ICA1: variants seen among roughly 807,000 people sequenced by gnomAD.
ICA1 encodes the protein 69 kDa islet cell autoantigen.
Under a neutral mutation model 71.0 loss-of-function variants are expected in ICA1, and 40 were observed. That is an observed-to-expected ratio of 0.56 (90% CI 0.44 to 0.73). ICA1 has a LOEUF of 0.73. ICA1 is among the 30% of genes least tolerant of loss of function. ICA1 has a pLI of 0.00. For missense variants in ICA1, 578 were observed against 576.5 expected, an observed-to-expected ratio of 1.00 and a Z score of -0.03; for synonymous variants, 207 against 209.5, an observed-to-expected ratio of 0.99 and a Z score of 0.10.
At chr7:8,215,912 G>A (rs1795262666) in intron 6 of ICA1, among the ~76,000 whole-genome samples, 1 of 152,104 alleles carries the variant, frequency 6.6e-6, no homozygotes, top group South Asian at 2.1e-4. Context: ...CACATCCCTG[G>A]GAGAGAAATG....
intron 12 of ICA1, among the ~76,000 whole-genome samples, chr7:8,134,041 T>C (rs1792445345): frequency 6.6e-6 from 1 of 152,138 alleles, no homozygotes; most frequent in African/African-American, 2.4e-5. Flanking sequence ...TGCTTTTACT[T>C]CAGAACCTAT....
chr7:8,130,099 T>C lies in ICA1; in HGVS notation c.1061-1957A>G, dbSNP rs1403539379. Among the ~76,000 whole-genome samples the C allele has an allele frequency of 6.6e-6, 1 of 152,184 alleles. No homozygotes were observed. Among genetic ancestry groups the C allele is most frequent in the Non-Finnish European group, 1.5e-5 (1 of 68,036 alleles). On this transcript the variant is annotated intron_variant, in intron 12 of 13. Transcript: ENST00000402384. This position sits in a 1 kb window ranked among gnomAD's most constrained non-coding sequence, Gnocchi z 4.2. ...TGTGCCACATTTTCTTAATCCAGTCTATCATTGTTGGACATTTGGGTTGGT... is the reference window on the plus strand; with the variant it reads ...TGTGCCACATTTTCTTAATCCAGTCCATCATTGTTGGACATTTGGGTTGGT...
chr7:8,128,153 T>C lies in ICA1; in HGVS notation c.1061-11A>G. 1 of 1,612,548 alleles carries C rather than the reference T, an allele frequency of 6.2e-7. No individual in the cohort carries two copies. Among genetic ancestry groups the C allele is most frequent in the South Asian group, 1.1e-5 (1 of 90,948 alleles). ...CTGGTCCCAGGCAAGCTGATTGAAG[T>C]AACAGAGAACAAAACGTCACCACGG... On this transcript the variant is annotated splice_polypyrimidine_tract_variant and intron_variant, in intron 12 of 13. Transcript: ENST00000402384.
intron 8 of ICA1, among the ~76,000 whole-genome samples, chr7:8,151,364 C>T (rs377173325): frequency 7.9e-4 from 120 of 152,314 alleles, no homozygotes; most frequent in African/African-American, 2.7e-3. Flanking sequence ...CACTCCGGCT[C>T]GTCCCCCTCA....
chr7:8,261,453 G>T (rs1011043090), intron 1 of ICA1, among the ~76,000 whole-genome samples: 3 of 152,130 alleles, frequency 2.0e-5, no homozygotes, highest in South Asian at 2.1e-4. Context: ...GGCGCGCCAG[G>T]GTTTGCTGGA....
In ICA1 at chr7:8,130,393, T is replaced by C. The variant is rs1345012790; in HGVS notation, c.1061-2251A>G. Reference sequence around the variant, plus strand: ...GGAAAGCAACCTTCGCAGCTCAGGATGTGTCCATCAACACCTGTATCTACG... The same window carrying C: ...GGAAAGCAACCTTCGCAGCTCAGGACGTGTCCATCAACACCTGTATCTACG... On this transcript the variant is annotated intron_variant, in intron 12 of 13. Coordinates refer to ENST00000402384, the MANE Select transcript of ICA1 (RefSeq NM_001136020.3). The surrounding 1 kb of genome is among the most constrained non-coding windows in gnomAD (Gnocchi z 4.2). Among the ~76,000 whole-genome samples, 1 of 152,218 alleles carries C rather than the reference T, an allele frequency of 6.6e-6. No homozygotes were observed. Among genetic ancestry groups the C allele is most frequent in the Non-Finnish European group, 1.5e-5 (1 of 68,024 alleles).
intron 12 of ICA1, among the ~76,000 whole-genome samples, chr7:8,134,544 C>G (rs1230902036): frequency 1.3e-5 from 2 of 152,124 alleles, no homozygotes; most frequent in African/African-American, 2.4e-5. Context: ...GGTTTTCTCC[C>G]TCGTCCCCAC....
At chr7:8,246,611 A>G (rs1806121066) in intron 1 of ICA1, among the ~76,000 whole-genome samples, 1 of 152,220 alleles carries the variant, frequency 6.6e-6, no homozygotes. Context: ...CATTAAAACC[A>G]TAGTTGTTCT....
chr7:8,186,094 T>C (rs1292541081), intron 6 of ICA1, among the ~76,000 whole-genome samples: 3 of 152,122 alleles, frequency 2.0e-5, no homozygotes, highest in South Asian at 2.1e-4. Flanking sequence ...GGAAGTAACA[T>C]TTGAATGGGC....
At chr7:8,147,505 A>C (rs1432480349) in intron 8 of ICA1, among the ~76,000 whole-genome samples, 1 of 152,146 alleles carries the variant, frequency 6.6e-6, no homozygotes, top group Non-Finnish European at 1.5e-5. Context: ...ACAGGTGCTA[A>C]ATATGTACTT....
chr7:8,145,764 A>ATATG (rs140690774), intron 8 of ICA1, among the ~76,000 whole-genome samples: 2,512 of 136,004 alleles, frequency 0.018, 133 homozygotes, highest in East Asian at 0.052. Context: ...ATATATATAT[A>ATATG]TATGTATATA....
chr7:8,258,931 G>A (rs1192589440), intron 1 of ICA1, among the ~76,000 whole-genome samples: 1 of 152,138 alleles, frequency 6.6e-6, no homozygotes, highest in African/African-American at 2.4e-5. Flanking sequence ...ATCTCAAAGG[G>A]GGTTGAGTAT....
At chr7:8,235,810 T>G (rs967237548) in intron 2 of ICA1, 100 bp downstream of exon 2, 63 of 1,225,714 alleles carry the variant, frequency 5.1e-5, no homozygotes, top group Non-Finnish European at 7.4e-5. Context: ...TGATACTTAC[T>G]GCCAATGTAT....
At chr7:8,154,000 T>A (rs575257789) in intron 8 of ICA1, among the ~76,000 whole-genome samples, 1 of 151,818 alleles carries the variant, frequency 6.6e-6, no homozygotes, top group East Asian at 1.9e-4. Context: ...TTAAAATTTT[T>A]TAAATATTAA....
intron 6 of ICA1, among the ~76,000 whole-genome samples, chr7:8,183,779 G>C (rs1275599835): frequency 6.6e-6 from 1 of 152,156 alleles, no homozygotes; most frequent in Non-Finnish European, 1.5e-5. Flanking sequence ...CACTATGGAG[G>C]TCAATTATGC....
rs145541144 is a variant in ICA1 at position 8,159,598 on chromosome 7, G to T, written c.580-946C>A. Among the ~76,000 whole-genome samples the T allele has an allele frequency of 4.8e-3, 732 of 152,214 alleles. 6 individuals are homozygous for T. The highest frequency in any genetic ancestry group is 0.017 in the African/African-American group (707 of 41,520). On this transcript the variant is annotated intron_variant, in intron 6 of 13. Transcript: ENST00000402384. ...GCCTATAGTCCCAGCTACTGGGGAG[G>T]CTAAGGTGGGAGGATCACTTGAGCG...
intron 13 of ICA1, among the ~76,000 whole-genome samples, chr7:8,125,913 T>C (rs1446492879): frequency 6.6e-6 from 1 of 152,156 alleles, no homozygotes. Context: ...TAGACCTCAG[T>C]GTGGTTTGGT....
chr7:8,156,519 C>CT, intron 8 of ICA1: 1 of 189,766 alleles, frequency 5.3e-6, no homozygotes. Context: ...ATGTGCAGAT[C>CT]CAATACTGAG....
At chr7:8,116,320 C>G (rs1251141838) in intron 13 of ICA1, 1 of 152,138 alleles carries the variant, frequency 6.6e-6, no homozygotes, top group Admixed American at 6.5e-5. Flanking sequence ...TGCTCTCTGA[C>G]CAGTCTAATA....
Sources: allele counts gnomAD v4.1 joint callset (sites outside exome capture counted in the v4.1 genomes callset), GRCh38; gene constraint gnomAD v4.1.1; non-coding constraint Gnocchi (gnomAD v3.1); transcripts MANE v1.5; gene names NCBI Gene and HGNC (gene_info 2026-07-23, HGNC 2026-07-21).